Variants in SLC7A10 observed in about 807,000 individuals in gnomAD.
SLC7A10 encodes asc-type amino acid transporter 1.
A neutral mutation model predicts 52.7 loss-of-function variants in SLC7A10; 30 were observed. That is an observed-to-expected ratio of 0.57 (90% CI 0.43 to 0.77). SLC7A10 has a LOEUF of 0.77. Among genes scored for constraint, SLC7A10 ranks in the 30% least tolerant of loss-of-function variants. The probability of loss-of-function intolerance (pLI) is 0.00; values close to 1 mark genes in which losing one functional copy is unlikely to be tolerated. For synonymous variants in SLC7A10, 318 were observed against 314.9 expected, an observed-to-expected ratio of 1.01 and a Z score of -0.10; for missense variants, 581 against 698.5, an observed-to-expected ratio of 0.83 and a Z score of 1.90.
rs145363622 is a variant in SLC7A10, at chr19:33,210,823, G to A, written c.1092C>T (p.Pro364=). The A allele has an allele frequency of 2.5e-6, 4 of 1,613,470 alleles. No homozygotes were observed. Among genetic ancestry groups the A allele is most frequent in the Middle Eastern group, 3.3e-4 (2 of 6,082 alleles). The change falls in exon 8 of 11, where the codon CCC becomes CCT. Residue 364 remains proline, a synonymous_variant. Coordinates refer to ENST00000253188, the MANE Select transcript of SLC7A10 (RefSeq NM_019849.3). This position sits in a 1 kb window ranked among gnomAD's most constrained non-coding sequence, Gnocchi z 5.6. ...TTACACAGACGAGGAGGGCGGGGAT[G>A]GGGGTGCAGTGTCTGACGTGGATCA... is the stretch of plus-strand genomic sequence containing the variant. The part of the protein sequence containing the change: ...LAMIHVRHCT[P]IPALLVCCGA...
At chr19:33,224,477 G>A (rs1156753850) in intron 1 of SLC7A10, among the ~76,000 whole-genome samples, 2 of 152,274 alleles carry the variant, frequency 1.3e-5, no homozygotes, top group South Asian at 4.1e-4. Flanking sequence ...GGTGGGAGAG[G>A]ACGAGGTGAA....
chr19:33,211,034 A>AGCCT, intron 7 of SLC7A10, 136 bp from the exon 8 acceptor site: 1 of 996,092 alleles, frequency 1.0e-6, no homozygotes, highest in Non-Finnish European at 1.6e-6. Context: ...CCCCTCATCC[A>AGCCT]GCCTGCCTGC....
intron 1 of SLC7A10, among the ~76,000 whole-genome samples, chr19:33,217,174 G>A (rs750702472): frequency 2.0e-5 from 3 of 151,470 alleles, no homozygotes; most frequent in Non-Finnish European, 4.4e-5. Context: ...ACCACACCCG[G>A]CTAATCAAAA....
Position 33,210,891 on chromosome 19 carries a change from A to G in SLC7A10, c.1024T>C (p.Phe342Leu), listed in dbSNP as rs1278743385. 7 of 1,613,182 alleles carry G rather than the reference A, an allele frequency of 4.3e-6. No individual in the cohort carries two copies. Among genetic ancestry groups the G allele is most frequent in the Admixed American group, 1.7e-5 (1 of 60,006 alleles). ...GYLFTYSRLCFSGAREGHLPS... is the reference protein window; with the variant it reads ...GYLFTYSRLCLSGAREGHLPS... The stretch of plus-strand genomic sequence containing the variant: ...AGGTGCCCCTCGCGGGCTCCAGAGA[A>G]GCACAGCCTAGCGTTGGGGACAGAT... Residue 342 changes from phenylalanine to leucine, a missense_variant, in exon 8 of 11, where the codon TTC (phenylalanine) becomes CTC (leucine). By Grantham distance (22) the Phe-to-Leu change is conservative. Coordinates refer to ENST00000253188, the MANE Select transcript of SLC7A10 (RefSeq NM_019849.3). This position sits in a 1 kb window ranked among gnomAD's most constrained non-coding sequence, Gnocchi z 5.6.
chr19:33,223,891 AG>A (rs1439591091), intron 1 of SLC7A10, among the ~76,000 whole-genome samples: 1 of 151,994 alleles, frequency 6.6e-6, no homozygotes, highest in East Asian at 1.9e-4. Flanking sequence ...CTGGAAAAGG[AG>A]GGTGATAGTG....
intron 10 of SLC7A10, 93 bp from the exon 11 acceptor site, chr19:33,209,114 G>A: frequency 6.3e-7 from 1 of 1,590,472 alleles, no homozygotes; most frequent in Non-Finnish European, 8.6e-7. Context: ...GGGTCTTCAG[G>A]GAGTTGCTCC....
At chr19:33,216,375 T>C (rs778225079) in intron 1 of SLC7A10, among the ~76,000 whole-genome samples, 1 of 152,124 alleles carries the variant, frequency 6.6e-6, no homozygotes, top group Non-Finnish European at 1.5e-5. Flanking sequence ...AGCCCTCCCG[T>C]CTACCTCAGA....
chr19:33,223,595 TCTC>T (rs1401905510), intron 1 of SLC7A10, among the ~76,000 whole-genome samples: 3 of 151,406 alleles, frequency 2.0e-5, no homozygotes, highest in Non-Finnish European at 4.4e-5. Flanking sequence ...TTGAGGTTGA[TCTC>T]CTTGTTTTTT....
intron 2 of SLC7A10, 134 bp downstream of exon 2, chr19:33,215,635 C>G: frequency 1.1e-6 from 1 of 914,228 alleles, no homozygotes; most frequent in Non-Finnish European, 1.6e-6. Context: ...CATCCACCCC[C>G]CACACCTTCT....
At position 33,210,906 on chromosome 19, in the gene SLC7A10, T is replaced by C. The variant is rs375747229; in HGVS notation, c.1017-8A>G. 6.9e-5 allele frequency: 111 copies of C among 1,612,830 alleles called. No individual in the cohort carries two copies. In the South Asian group the frequency reaches 6.9e-4, roughly 10 times the overall value. ...GCTCCAGAGAAGCACAGCCTAGCGT[T>C]GGGGACAGATATGGGCACTGGCCAC... On this transcript the variant is annotated splice_region_variant and splice_polypyrimidine_tract_variant and intron_variant, in intron 7 of 10. Transcript: ENST00000253188. The surrounding 1 kb of genome is among the most constrained non-coding windows in gnomAD (Gnocchi z 5.6).
intron 1 of SLC7A10, among the ~76,000 whole-genome samples, chr19:33,218,511 C>T (rs1301896886): frequency 1.3e-5 from 2 of 151,558 alleles, no homozygotes; most frequent in African/African-American, 2.4e-5. Flanking sequence ...CGCACACTGG[C>T]TGCTCCCGGC....
chr19:33,209,132 C>T, intron 10 of SLC7A10, 111 bp from the exon 11 acceptor site: 1 of 1,564,766 alleles, frequency 6.4e-7, no homozygotes, highest in Non-Finnish European at 8.7e-7. Context: ...TCCGTCGGTA[C>T]CCGTGGTTCT....
intron 1 of SLC7A10, among the ~76,000 whole-genome samples, chr19:33,217,395 G>C (rs1974711591): frequency 6.6e-6 from 1 of 152,208 alleles, no homozygotes; most frequent in African/African-American, 2.4e-5. Flanking sequence ...GCAAGACTCT[G>C]AGTGCCTGCT....
chr19:33,213,381 C>T (rs1322679598), intron 2 of SLC7A10, among the ~76,000 whole-genome samples: 1 of 151,808 alleles, frequency 6.6e-6, no homozygotes, highest in Non-Finnish European at 1.5e-5. Flanking sequence ...CTCCACCTCT[C>T]GGGTTCATGC....
intron 1 of SLC7A10, among the ~76,000 whole-genome samples, chr19:33,217,404 C>G (rs1974711835): frequency 6.6e-6 from 1 of 152,212 alleles, no homozygotes; most frequent in African/African-American, 2.4e-5. Context: ...TGAGTGCCTG[C>G]TGAGCCCTGA....
chr19:33,211,345 G>T lies in SLC7A10; in HGVS notation c.913-17C>A. On this transcript the variant is annotated splice_polypyrimidine_tract_variant and intron_variant, in intron 6 of 10. Transcript: ENST00000253188. Reference sequence around the variant, plus strand: ...CCCGAAGGTCTGGGTGGGCACAGTAGAGAGGCCATGTGTAAGGCCGGGGCA... The same window carrying T: ...CCCGAAGGTCTGGGTGGGCACAGTATAGAGGCCATGTGTAAGGCCGGGGCA... 6.2e-7 allele frequency: 1 copy of T among 1,613,762 alleles called. No individual in the cohort carries two copies. Among genetic ancestry groups the T allele is most frequent in the Non-Finnish European group, 8.5e-7 (1 of 1,179,904 alleles).
rs750883630 is a variant in SLC7A10, at chr19:33,210,495, C to T, written c.1235G>A (p.Arg412Lys). 6.2e-7 allele frequency: 1 copy of T among 1,605,768 alleles called. No individual in the cohort carries two copies. The highest frequency in any genetic ancestry group is 8.5e-7 in the Non-Finnish European group (1 of 1,178,982). ...GATGGGCCTGTGGAGTGCAGGCCGC[C>T]TCCAGCGCAGCAGCAGCAGGCCCAG... The part of the protein sequence containing the change: ...TILGLLLLRW[R>K]RPALHRPIKV... Residue 412 changes from arginine (R) to lysine (K), a missense_variant, in exon 9 of 11, where the codon AGG becomes AAG. By Grantham distance (26) the Arg-to-Lys change is conservative. Transcript: ENST00000253188. The surrounding 1 kb of genome is among the most constrained non-coding windows in gnomAD (Gnocchi z 5.6).
chr19:33,210,364 C>T lies in SLC7A10; in HGVS notation c.1263+103G>A, dbSNP rs979094146. 13 of 1,446,138 alleles carry T rather than the reference C, an allele frequency of 9.0e-6. No individual in the cohort carries two copies. Among genetic ancestry groups the T allele is most frequent in the Non-Finnish European group, 1.1e-5 (12 of 1,072,080 alleles). 89.6% of individuals were successfully genotyped at this position (1,446,138 alleles called of 1,614,324 possible). A position where few individuals can be genotyped will look rare whatever the true frequency, so the allele number is the denominator to read the frequency against. The stretch of plus-strand genomic sequence containing the variant: ...GCCCTGAGCAGGGCCCAACACTCCA[C>T]AAAAGCTGGCACCTCCCATCCCACC... On this transcript the variant is annotated intron_variant, in intron 9 of 10. Coordinates refer to ENST00000253188, the MANE Select transcript of SLC7A10 (RefSeq NM_019849.3). This position sits in a 1 kb window ranked among gnomAD's most constrained non-coding sequence, Gnocchi z 5.6.
chr19:33,225,850 T>G lies in SLC7A10; in HGVS notation c.-147A>C. 3.3e-6 allele frequency: 3 copies of G among 909,812 alleles called. No homozygotes were observed. Among genetic ancestry groups the G allele is most frequent in the Non-Finnish European group, 2.8e-6 (2 of 709,922 alleles). The allele number at this position is 909,812 out of a possible 1,614,324, so 56.4% of individuals were successfully genotyped here. On this transcript the variant is annotated 5_prime_UTR_variant, in exon 1 of 11. Transcript: ENST00000253188. Reference sequence around the variant, plus strand: ...CATGCGCTGGCTCCGGGCCCGGGACTGGGGGCCCCGGGCGGCGGGGGCCCG... The same window carrying G: ...CATGCGCTGGCTCCGGGCCCGGGACGGGGGGCCCCGGGCGGCGGGGGCCCG...
Sources: gnomAD v4.1 joint callset for allele counts (sites outside exome capture counted in the v4.1 genomes callset) on GRCh38, gnomAD v4.1.1 for gene constraint, Gnocchi (gnomAD v3.1) non-coding constraint, MANE v1.5 for transcripts, NCBI Gene and HGNC (gene_info 2026-07-23, HGNC 2026-07-21) for gene names.